PKP4: variants seen among roughly 807,000 people sequenced by gnomAD.
PKP4 encodes the protein plakophilin-4.
In PKP4, 90 loss-of-function variants were observed where a neutral mutation model predicts 145.1. That is an observed-to-expected ratio of 0.62 (90% CI 0.52 to 0.74). PKP4 has a LOEUF of 0.74. Among genes scored for constraint, PKP4 ranks in the 30% least tolerant of loss-of-function variants. The pLI is 0.00. For missense variants in PKP4, 1,340 were observed against 1,482.7 expected, an observed-to-expected ratio of 0.90 and a Z score of 1.58; for synonymous variants, 563 against 577.2, an observed-to-expected ratio of 0.98 and a Z score of 0.35.
rs2051081287 is a variant in PKP4, at chr2:158,610,863, C to T, written c.280+7759C>T. Among the ~76,000 whole-genome samples, 5 of 152,298 alleles carry T rather than the reference C, an allele frequency of 3.3e-5. No homozygotes were observed. The South Asian group carries it at 8.3e-4, about 25-fold the overall frequency. ...GCACATTAGACCAGGAGCAGTCCGTCTTACAGGGCTGGAATGTGCTGCTCT... is the reference window on the plus strand; with the variant it reads ...GCACATTAGACCAGGAGCAGTCCGTTTTACAGGGCTGGAATGTGCTGCTCT... On this transcript the variant is annotated intron_variant, in intron 4 of 21. Transcript: ENST00000389759.
At chr2:158,640,856 A>C in intron 10 of PKP4, 97 bp downstream of exon 10, 1 of 1,317,426 alleles carries the variant, frequency 7.6e-7, no homozygotes, top group Non-Finnish European at 1.1e-6. Context: ...AGTGTAATTC[A>C]AGAGTCTTTT....
In PKP4 at chr2:158,658,171, G is replaced by T. The variant is rs780074675; in HGVS notation, c.1950G>T (p.Met650Ile). The T allele has an allele frequency of 1.9e-6, 3 of 1,607,398 alleles. No individual in the cohort carries two copies. The Admixed American group carries it at 5.0e-5, about 27-fold the overall frequency. Reference sequence around the variant, plus strand: ...TATCCTCATGTGATGCTGTAAAAATGACAATCATTCGAGATGCTCTCTCAA... The same window carrying T: ...TATCCTCATGTGATGCTGTAAAAATTACAATCATTCGAGATGCTCTCTCAA... ...WNLSSCDAVK[M>I]TIIRDALSTL... Residue 650 changes from methionine (M) to isoleucine (I), a missense_variant, in exon 12 of 22, where the codon ATG (methionine) becomes ATT (isoleucine). Coordinates refer to ENST00000389759, the MANE Select transcript of PKP4 (RefSeq NM_003628.6).
At chr2:158,601,490 C>T (rs2050223563) in intron 3 of PKP4, among the ~76,000 whole-genome samples, 1 of 152,162 alleles carries the variant, frequency 6.6e-6, no homozygotes, top group African/African-American at 2.4e-5. Flanking sequence ...GTGTGCAGAA[C>T]CACTTTTGGA....
chr2:158,656,769 A>T (rs1428774824), intron 11 of PKP4, among the ~76,000 whole-genome samples: 2 of 152,102 alleles, frequency 1.3e-5, no homozygotes, highest in Admixed American at 1.3e-4. Flanking sequence ...GAGTCAGAAG[A>T]TTGTTTCACT....
chr2:158,641,675 A>G (rs1165908837), intron 10 of PKP4, among the ~76,000 whole-genome samples: 1 of 152,220 alleles, frequency 6.6e-6, no homozygotes, highest in East Asian at 1.9e-4. Flanking sequence ...CTAAAAGTGA[A>G]TGTAGTACAT....
At chr2:158,488,519 G>A (rs1292262799) in intron 1 of PKP4, among the ~76,000 whole-genome samples, 1 of 152,102 alleles carries the variant, frequency 6.6e-6, no homozygotes, top group Admixed American at 6.6e-5. Flanking sequence ...AGAGAAGAGA[G>A]ATCATTGCCA....
At chr2:158,520,295 A>G (rs2105561404) in intron 1 of PKP4, among the ~76,000 whole-genome samples, 1 of 152,326 alleles carries the variant, frequency 6.6e-6, no homozygotes, top group African/African-American at 2.4e-5. Context: ...AAAAATCGTT[A>G]TTGAATGTTA....
intron 1 of PKP4, among the ~76,000 whole-genome samples, chr2:158,528,353 T>G (rs2043152538): frequency 7.7e-6 from 1 of 129,870 alleles, no homozygotes; most frequent in African/African-American, 2.8e-5. Flanking sequence ...TGGATGAAAT[T>G]GGAAACCTTC....
chr2:158,640,550 C>T, intron 9 of PKP4, 77 bp from the exon 10 acceptor site: 1 of 1,493,082 alleles, frequency 6.7e-7, no homozygotes, highest in Admixed American at 2.1e-5. Flanking sequence ...AGCTTTTTTT[C>T]CTTATACCAA....
intron 6 of PKP4, among the ~76,000 whole-genome samples, chr2:158,621,732 C>T (rs182550921): frequency 8.5e-5 from 12 of 141,676 alleles, no homozygotes; most frequent in East Asian, 2.0e-4. Context: ...GGCGACAGAG[C>T]GAGACTCCGT....
At chr2:158,644,760 A>G (rs578155042) in intron 11 of PKP4, among the ~76,000 whole-genome samples, 1 of 152,336 alleles carries the variant, frequency 6.6e-6, no homozygotes, top group East Asian at 1.9e-4. Context: ...GTGAAGAGGA[A>G]GGAGGAAAAT....
intron 2 of PKP4, among the ~76,000 whole-genome samples, chr2:158,542,092 A>G (rs986948299): frequency 6.6e-6 from 1 of 152,188 alleles, no homozygotes; most frequent in Admixed American, 6.6e-5. Flanking sequence ...TTTATGCCCA[A>G]CTGAAGAGTC....
chr2:158,621,368 A>C lies in PKP4; in HGVS notation c.550A>C (p.Thr184Pro). 6.2e-7 allele frequency: 1 copy of C among 1,614,186 alleles called. No homozygotes were observed. The highest frequency in any genetic ancestry group is 1.1e-5 in the South Asian group (1 of 91,076). The stretch of plus-strand genomic sequence containing the variant: ...ACAGCAGCATTCATTCATAGGATCA[A>C]CTAACAACCATGTGGTGAGGAATTC... ...NRQQHSFIGS[T>P]NNHVVRNSRA... Residue 184 changes from threonine (T) to proline (P), a missense_variant, in exon 6 of 22, where the codon ACT (threonine) becomes CCT (proline). Thr to Pro is a conservative substitution (Grantham distance 38, BLOSUM62 -1). Transcript: ENST00000389759.
intron 1 of PKP4, among the ~76,000 whole-genome samples, chr2:158,493,501 C>T (rs1316643248): frequency 6.6e-6 from 1 of 152,152 alleles, no homozygotes; most frequent in African/African-American, 2.4e-5. Context: ...CAGTGAATCC[C>T]ATTTAACCCT....
intron 2 of PKP4, among the ~76,000 whole-genome samples, chr2:158,555,242 G>A (rs772319561): frequency 2.0e-5 from 3 of 152,132 alleles, no homozygotes; most frequent in Admixed American, 6.5e-5. Flanking sequence ...TGTTCAGTCC[G>A]TTCTTTTTCT....
chr2:158,524,259 G>A (rs1319696190), intron 1 of PKP4, among the ~76,000 whole-genome samples: 1 of 123,788 alleles, frequency 8.1e-6, no homozygotes, highest in African/African-American at 3.4e-5. Context: ...TCAAAGGGAA[G>A]CCCATCAGAC....
chr2:158,670,252 G>A (rs138024205), intron 17 of PKP4, among the ~76,000 whole-genome samples: 48 of 152,278 alleles, frequency 3.2e-4, no homozygotes, highest in African/African-American at 1.1e-3. Context: ...TCTAGAGGCC[G>A]GGAAATCCAA....
At chr2:158,530,504 C>T (rs202210998) in intron 1 of PKP4, among the ~76,000 whole-genome samples, 280 of 91,912 alleles carry the variant, frequency 3.0e-3, no homozygotes, top group Middle Eastern at 8.9e-3. Flanking sequence ...CTCTTTCTTT[C>T]TTTTTTTTTT....
intron 3 of PKP4, among the ~76,000 whole-genome samples, chr2:158,600,407 A>G (rs1290711581): frequency 6.6e-6 from 1 of 152,204 alleles, no homozygotes; most frequent in East Asian, 1.9e-4. Context: ...TTGTGGGCAC[A>G]GTGCCTACAG....
Sources: gnomAD v4.1 joint callset for allele counts (sites outside exome capture counted in the v4.1 genomes callset) on GRCh38, gnomAD v4.1.1 for gene constraint, MANE v1.5 for transcripts, NCBI Gene and HGNC (gene_info 2026-07-23, HGNC 2026-07-21) for gene names.